NELL2: variants seen among roughly 807,000 people sequenced by gnomAD.
NELL2 encodes protein kinase C-binding protein NELL2.
NELL2 carries 41 observed loss-of-function variants against 109.6 expected under a neutral mutation model. The observed-to-expected ratio is 0.37, with a 90% CI of 0.29 to 0.49. The LOEUF is 0.49. Among genes scored for constraint, NELL2 ranks in the 20% least tolerant of loss-of-function variants. The probability of loss-of-function intolerance (pLI) is 0.98; values close to 1 mark genes in which losing one functional copy is unlikely to be tolerated. For missense variants in NELL2, 900 were observed against 1,008.3 expected (o/e 0.89, Z 1.45); for synonymous variants, 355 against 344.7 (o/e 1.03, Z -0.33).
chr12:44,768,314 T>G (rs1592494735), intron 9 of NELL2, among the ~76,000 whole-genome samples: 1 of 74,130 alleles, frequency 1.3e-5, no homozygotes, highest in Non-Finnish European at 3.1e-5. Flanking sequence ...TTTTAAAGGG[T>G]TTTTTTTTTA....
intron 3 of NELL2, among the ~76,000 whole-genome samples, chr12:44,812,803 C>A (rs1943221149): frequency 6.6e-6 from 1 of 152,044 alleles, no homozygotes; most frequent in South Asian, 2.1e-4. Flanking sequence ...CAGTAACTAG[C>A]TAAATGATGC....
chr12:44,518,684 C>A (rs768574487), intron 19 of NELL2, among the ~76,000 whole-genome samples: 9 of 152,072 alleles, frequency 5.9e-5, no homozygotes, highest in Admixed American at 1.3e-4. Flanking sequence ...GTCACTATTG[C>A]TCAGAAGAAT....
At chr12:44,853,023 C>G (rs1171370670) in intron 2 of NELL2, among the ~76,000 whole-genome samples, 8 of 152,110 alleles carry the variant, frequency 5.3e-5, no homozygotes, top group Non-Finnish European at 1.2e-4. Flanking sequence ...TATACATTTA[C>G]TCTGCCTTCT....
intron 9 of NELL2, among the ~76,000 whole-genome samples, chr12:44,732,349 G>T (rs748141232): frequency 6.6e-6 from 1 of 151,916 alleles, no homozygotes; most frequent in Non-Finnish European, 1.5e-5. Flanking sequence ...AAACCGTATG[G>T]TTTTTGGCAT....
chr12:44,534,424 G>C (rs1293770790), intron 15 of NELL2, among the ~76,000 whole-genome samples: 1 of 152,084 alleles, frequency 6.6e-6, no homozygotes, highest in Non-Finnish European at 1.5e-5. Flanking sequence ...ACTATCGGCA[G>C]TCATTCTGTC....
chr12:44,642,077 T>G (rs1415344945), intron 13 of NELL2, among the ~76,000 whole-genome samples: 1 of 152,142 alleles, frequency 6.6e-6, no homozygotes, highest in African/African-American at 2.4e-5. Context: ...ATTCAGAGGC[T>G]TTTGTGAAGT....
chr12:44,873,694 T>C (rs539337588), intron 2 of NELL2, among the ~76,000 whole-genome samples: 15 of 151,162 alleles, frequency 9.9e-5, no homozygotes, highest in African/African-American at 3.4e-4. Flanking sequence ...TTCCAGTTCA[T>C]AGGGATTAAA....
intron 9 of NELL2, among the ~76,000 whole-genome samples, chr12:44,753,119 G>A (rs889662319): frequency 1.3e-5 from 2 of 152,018 alleles, no homozygotes; most frequent in African/African-American, 2.4e-5. Context: ...TTACATGGCC[G>A]GCTCCTTCAC....
At chr12:44,554,553 A>G (rs1309056684) in intron 15 of NELL2, among the ~76,000 whole-genome samples, 1 of 152,216 alleles carries the variant, frequency 6.6e-6, no homozygotes, top group Admixed American at 6.5e-5. Flanking sequence ...CCGTGGATGT[A>G]TAACATATAT....
At chr12:44,731,093 T>C (rs746135748) in intron 9 of NELL2, among the ~76,000 whole-genome samples, 3 of 152,096 alleles carry the variant, frequency 2.0e-5, no homozygotes. Flanking sequence ...GGTAAGGAGA[T>C]TGCTTCATCA....
At chr12:44,637,565 T>C (rs893609561) in intron 13 of NELL2, among the ~76,000 whole-genome samples, 6 of 143,258 alleles carry the variant, frequency 4.2e-5, no homozygotes, top group Non-Finnish European at 9.1e-5. Context: ...AACCTTATGA[T>C]CTAAAGTATG....
chr12:44,606,510 T>G (rs576247196), intron 15 of NELL2, among the ~76,000 whole-genome samples: 1 of 152,280 alleles, frequency 6.6e-6, no homozygotes, highest in East Asian at 1.9e-4. Context: ...GACTTAATAC[T>G]CAAAACATTT....
chr12:44,892,809 A>G (rs1945550675), intron 1 of NELL2, among the ~76,000 whole-genome samples: 1 of 151,282 alleles, frequency 6.6e-6, no homozygotes, highest in South Asian at 2.1e-4. Flanking sequence ...AAAAAAAAAA[A>G]AAAAAAAAAA....
At chr12:44,684,711 C>T (rs1482211580) in intron 12 of NELL2, among the ~76,000 whole-genome samples, 50 of 152,184 alleles carry the variant, frequency 3.3e-4, no homozygotes, top group Admixed American at 2.9e-3. Context: ...GTTCAGTTTC[C>T]ATGTAGTTGA....
At chr12:44,902,491 A>G (rs1945672222) in intron 1 of NELL2, among the ~76,000 whole-genome samples, 1 of 152,228 alleles carries the variant, frequency 6.6e-6, no homozygotes, top group Non-Finnish European at 1.5e-5. Context: ...AGTAATGTAT[A>G]GATTCAATGC....
chr12:44,909,136 A>G (rs1019019807), intron 1 of NELL2, among the ~76,000 whole-genome samples: 1 of 152,018 alleles, frequency 6.6e-6, no homozygotes, highest in Admixed American at 6.6e-5. Flanking sequence ...AAAGAAATTC[A>G]ACTATGTCTC....
intron 9 of NELL2, 160 bp downstream of exon 9, chr12:44,774,587 A>G: frequency 1.6e-6 from 1 of 635,550 alleles, no homozygotes; most frequent in East Asian, 2.8e-5. Flanking sequence ...TTAAAATGGA[A>G]AAGAACTAAT....
chr12:44,611,329 C>G (rs1945613170), intron 13 of NELL2, among the ~76,000 whole-genome samples: 1 of 152,026 alleles, frequency 6.6e-6, no homozygotes, highest in Admixed American at 6.6e-5. Flanking sequence ...TCACCTAACT[C>G]ATCTCTGTAG....
chr12:44,528,250 A>G (rs1441008239), intron 16 of NELL2, among the ~76,000 whole-genome samples: 3 of 151,340 alleles, frequency 2.0e-5, no homozygotes, highest in Admixed American at 1.3e-4. Flanking sequence ...GTTTTTTTAA[A>G]TAAGGTTTTT....
Sources: allele counts gnomAD v4.1 joint callset (sites outside exome capture counted in the v4.1 genomes callset), GRCh38; gene constraint gnomAD v4.1.1; transcripts MANE v1.5; gene names NCBI Gene and HGNC (gene_info 2026-07-23, HGNC 2026-07-21).